GUCY2D: variants seen among roughly 807,000 people sequenced by gnomAD.
GUCY2D encodes the protein guanylate cyclase 2D, retinal.
A neutral mutation model predicts 101.3 loss-of-function variants in GUCY2D; 70 were observed. That is an observed-to-expected ratio of 0.69 (90% CI 0.57 to 0.84). GUCY2D has a LOEUF of 0.84. Ranked by LOEUF, GUCY2D falls within the 40% of genes least tolerant of loss-of-function variation. The pLI is 0.00. For missense variants in GUCY2D, 1,460 were observed against 1,542.5 expected, an observed-to-expected ratio of 0.95 and a Z score of 0.90; for synonymous variants, 688 against 670.7, an observed-to-expected ratio of 1.03 and a Z score of -0.40.
rs61750194 is a variant in GUCY2D, at chr17:8,016,001, C to A, written c.3118C>A (p.Arg1040=). Residue 1040 remains arginine (R), a synonymous_variant, in exon 17 of 20, where the codon CGA becomes AGA. Transcript: ENST00000254854. The part of the protein sequence containing the change: ...ALDSGYQVEL[R]GRTELKGKGA... ...GGACTCGGGCTACCAGGTGGAGCTG[C>A]GAGGCCGCACGGAGCTGAAGGTGAG... 6.2e-7 allele frequency: 1 copy of A among 1,609,026 alleles called. No homozygotes were observed.
At chr17:8,007,595 A>G in intron 6 of GUCY2D, 67 bp downstream of exon 6, 1 of 964,066 alleles carries the variant, frequency 1.0e-6, no homozygotes, top group Non-Finnish European at 1.7e-6. Context: ...TCCCTGGGCC[A>G]GTCCCGACCC....
chr17:8,006,847 C>A, intron 4 of GUCY2D, 133 bp downstream of exon 4: 1 of 901,412 alleles, frequency 1.1e-6, no homozygotes, highest in Non-Finnish European at 1.8e-6. Flanking sequence ...CTCTGGCTTG[C>A]ACAGGACCCC....
At position 8,014,538 on chromosome 17, in the gene GUCY2D, G is replaced by A. The variant is rs1287526392; in HGVS notation, c.2413-63G>A. On this transcript the variant is annotated intron_variant, in intron 12 of 19. Transcript: ENST00000254854. This position sits in a 1 kb window ranked among gnomAD's most constrained non-coding sequence, Gnocchi z 4.0. ...GCCCCATGAGAGGGCCCATGAGGGG[G>A]GCATAAAGAGGGCATGGCAACCCAG... The A allele has an allele frequency of 3.4e-6, 5 of 1,480,766 alleles. No individual in the cohort carries two copies. The African/African-American group carries it at 4.2e-5, about 12-fold the overall frequency. 91.7% of individuals were successfully genotyped at this position (1,480,766 alleles called of 1,614,324 possible).
In GUCY2D at chr17:8,016,009, C is replaced by A; in HGVS notation, c.3126C>A (p.Arg1042=). 6.2e-7 allele frequency: 1 copy of A among 1,607,970 alleles called. No homozygotes were observed. Residue 1042 remains arginine, a synonymous_variant, in exon 17 of 20, where the codon CGC becomes CGA. Transcript: ENST00000254854. ...DSGYQVELRG[R]TELKGKGAED... is the part of the protein sequence containing the mutation. ...GCTACCAGGTGGAGCTGCGAGGCCG[C>A]ACGGAGCTGAAGGTGAGGCAGGGCC... is the stretch of plus-strand genomic sequence containing the variant.
chr17:8,009,574 G>C lies in GUCY2D; in HGVS notation c.1737G>C (p.Thr579=), dbSNP rs761631031. Residue 579 remains threonine (T), a synonymous_variant, in exon 8 of 20, where the codon ACG becomes ACC. Transcript: ENST00000254854. ...QHIAIRPATK[T]AFSKLQELRH... ...TAGCTATCCGCCCAGCAACCAAGAC[G>C]GCCTTCTCCAAGGTGAGACTTGGGC... 1.9e-6 allele frequency: 3 copies of C among 1,611,758 alleles called. No homozygotes were observed. Among genetic ancestry groups the C allele is most frequent in the South Asian group, 2.2e-5 (2 of 91,042 alleles).
chr17:8,007,261 G>A (rs1474118451), intron 5 of GUCY2D, 117 bp downstream of exon 5: 9 of 952,858 alleles, frequency 9.4e-6, no homozygotes, highest in African/African-American at 1.6e-5. Context: ...CTTGGGGTGA[G>A]GGTGTTCTGG....
At chr17:8,016,152 C>T (rs1975968709) in intron 17 of GUCY2D, 53 bp from the exon 18 acceptor site, 1 of 1,364,016 alleles carries the variant, frequency 7.3e-7, no homozygotes, top group African/African-American at 1.4e-5. Flanking sequence ...CTCGAGATCC[C>T]CCACCCCTCA....
rs188568530 is a variant in GUCY2D at position 8,009,509 on chromosome 17, G to A, written c.1672G>A (p.Asp558Asn). 5.0e-5 allele frequency: 80 copies of A among 1,611,212 alleles called. No individual in the cohort carries two copies. Among genetic ancestry groups the A allele is most frequent in the Admixed American group, 4.0e-4 (24 of 60,024 alleles). ...DSPNIGVYEG[D>N]RVWLKKFPGD... ...ACCCCCATCCTCTTTGCTGCAGGGA[G>A]ACAGGGTTTGGCTGAAGAAATTCCC... Residue 558 changes from aspartate to asparagine, a missense_variant, in exon 8 of 20, where the codon GAC (aspartate) becomes AAC (asparagine). Physicochemically the swap from Asp to Asn is conservative, Grantham distance 23. Transcript: ENST00000254854.
Position 8,013,580 on chromosome 17 carries a change from C to A in GUCY2D, c.2264-300C>A. 1 of 577,252 alleles carries A rather than the reference C, an allele frequency of 1.7e-6. No individual in the cohort carries two copies. Among genetic ancestry groups the A allele is most frequent in the Non-Finnish European group, 3.1e-6 (1 of 322,770 alleles). 35.8% of individuals were successfully genotyped at this position (577,252 alleles called of 1,614,324 possible). On this transcript the variant is annotated intron_variant, in intron 11 of 19. Coordinates refer to ENST00000254854, the MANE Select transcript of GUCY2D (RefSeq NM_000180.4). The surrounding 1 kb of genome is among the most constrained non-coding windows in gnomAD (Gnocchi z 5.0). The stretch of plus-strand genomic sequence containing the variant: ...AGGGGGAGTGGGTGCATCCCTTCTG[C>A]ACAGGACTCTGAGCAAACTACTTGA...
rs1975959968 is a variant in GUCY2D at position 8,015,850 on chromosome 17, G to C, written c.3043+9G>C. ...GGAGTCCACCGGGCTGCGTGAGTGT[G>C]ACGGGGACAAGACGGGGAGGTGGGA... On this transcript the variant is annotated intron_variant, in intron 16 of 19. Coordinates refer to ENST00000254854, the MANE Select transcript of GUCY2D (RefSeq NM_000180.4). 6.2e-7 allele frequency: 1 copy of C among 1,610,510 alleles called. No homozygotes were observed. Among genetic ancestry groups the C allele is most frequent in the African/African-American group, 1.3e-5 (1 of 74,984 alleles).
Position 8,016,266 on chromosome 17 carries a change from C to A in GUCY2D, c.3200C>A (p.Pro1067His). 1 of 1,580,192 alleles carries A rather than the reference C, an allele frequency of 6.3e-7. No individual in the cohort carries two copies. Among genetic ancestry groups the A allele is most frequent in the Non-Finnish European group, 8.6e-7 (1 of 1,163,284 alleles). The change falls in exon 18 of 20, where the codon CCC (proline) becomes CAC (histidine). Residue 1067 changes from proline (P) to histidine (H), a missense_variant. Physicochemically the swap from Pro to His is moderately conservative, Grantham distance 77. Around this residue, in one of 3 missense-constraint regions of GUCY2D, gnomAD observed 215 missense variants for 227.9 expected, o/e 0.94. Transcript: ENST00000254854. ...AGACGCGGCTTCAACAAGCCCATCC[C>A]CAAACCGCCTGACCTGCAACCGGGG... Reference protein sequence around the residue: ...VGRRGFNKPIPKPPDLQPGSS... With the variant: ...VGRRGFNKPIHKPPDLQPGSS...
intron 3 of GUCY2D, among the ~76,000 whole-genome samples, chr17:8,005,735 G>T (rs766338743): frequency 2.0e-5 from 3 of 152,172 alleles, no homozygotes; most frequent in Non-Finnish European, 4.4e-5. Flanking sequence ...AAGAAGAAAG[G>T]TTCCTTGAGA....
At chr17:8,009,637 C>T in intron 8 of GUCY2D, 51 bp downstream of exon 8, 1 of 1,173,534 alleles carries the variant, frequency 8.5e-7, no homozygotes, top group South Asian at 1.2e-5. Context: ...TTTCTCCCTC[C>T]TTGCCTTCTC....
intron 6 of GUCY2D, 70 bp from the exon 7 acceptor site, chr17:8,007,861 G>A (rs186938529): frequency 2.1e-6 from 2 of 958,072 alleles, no homozygotes; most frequent in East Asian, 2.4e-5. Flanking sequence ...CCAAAACTCA[G>A]CCTGACCTCA....
chr17:8,014,786 TGGGCTGGGA>T lies in GUCY2D; in HGVS notation c.2576+27_2576+35del. 2.1e-6 allele frequency: 1 copy of T among 485,444 alleles called. No homozygotes were observed. The highest frequency in any genetic ancestry group is 4.2e-6 in the Non-Finnish European group (1 of 240,376). The allele number at this position is 485,444 out of a possible 1,614,324, so 30.1% of individuals were successfully genotyped here. ...CTCCGTGGGTGCCAGTGGGAAGGGG[TGGGCTGGGA>T]GGGCAGCTGGAGCCCAGCCAGGTAG... On this transcript the variant is annotated intron_variant, in intron 13 of 19. Transcript: ENST00000254854. The surrounding 1 kb of genome is among the most constrained non-coding windows in gnomAD (Gnocchi z 4.0).
At chr17:8,007,583 C>T (rs1222445726) in intron 6 of GUCY2D, 55 bp downstream of exon 6, 2 of 1,136,102 alleles carry the variant, frequency 1.8e-6, no homozygotes, top group Non-Finnish European at 2.7e-6. Context: ...AATTTGGTTC[C>T]TTCCCTGGGC....
chr17:8,011,397 A>G lies in GUCY2D; in HGVS notation c.1750-747A>G, dbSNP rs1411336824. On this transcript the variant is annotated intron_variant, in intron 8 of 19. Transcript: ENST00000254854. This position sits in a 1 kb window ranked among gnomAD's most constrained non-coding sequence, Gnocchi z 4.3. ...CTGTCTAAAAAAAAAATACATAAAC[A>G]AAAGAAAAGAAAGAAAGTGGCACCG... 2.0e-5 allele frequency among the ~76,000 whole-genome samples: 3 copies of G among 151,912 alleles called. No individual in the cohort carries two copies. The East Asian group carries it at 5.8e-4, about 29-fold the overall frequency.
In GUCY2D at chr17:8,013,950, C is replaced by T. The variant is rs371541944; in HGVS notation, c.2334C>T (p.Val778=). 2.4e-5 allele frequency: 39 copies of T among 1,613,254 alleles called. No individual in the cohort carries two copies. The highest frequency in any genetic ancestry group is 1.5e-4 in the African/African-American group (11 of 74,900). ...RPLVSMDQAP[V]ECILLMKQCW... The stretch of plus-strand genomic sequence containing the variant: ...TGGTGTCCATGGACCAGGCACCTGT[C>T]GAGTGTATCCTCCTGATGAAGCAGT... The change falls in exon 12 of 20, where the codon GTC becomes GTT. Residue 778 remains valine (V), a synonymous_variant. Transcript: ENST00000254854. The surrounding 1 kb of genome is among the most constrained non-coding windows in gnomAD (Gnocchi z 5.0).
intron 4 of GUCY2D, 93 bp from the exon 5 acceptor site, chr17:8,006,967 T>G: frequency 9.3e-7 from 1 of 1,071,676 alleles, no homozygotes; most frequent in South Asian, 1.3e-5. Flanking sequence ...CCATCCCCCT[T>G]TCCTGGAGGG....
Sources: gnomAD v4.1 joint callset for allele counts (sites outside exome capture counted in the v4.1 genomes callset) on GRCh38, gnomAD v4.1.1 for gene constraint, gnomAD v4.1.1 regional missense constraint, Gnocchi (gnomAD v3.1) non-coding constraint, MANE v1.5 for transcripts, NCBI Gene and HGNC (gene_info 2026-07-23, HGNC 2026-07-21) for gene names.